Variants in NAALADL2 observed in about 807,000 individuals in gnomAD.
The protein encoded by NAALADL2 is N-acetylated alpha-linked acidic dipeptidase like 2.
In NAALADL2, 76 loss-of-function variants were observed where a neutral mutation model predicts 87.2. The ratio of observed to expected loss-of-function variants is 0.87; its 90% CI spans 0.72 to 1.05. The LOEUF is 1.05. NAALADL2 is among the 50% of genes least tolerant of loss of function. The pLI, the probability that NAALADL2 is intolerant of heterozygous loss-of-function variation, is 0.00. For missense variants in NAALADL2, 1,089 were observed against 945.8 expected (o/e 1.15, Z -1.99); for synonymous variants, 354 against 331.0 (o/e 1.07, Z -0.75).
At chr3:175,284,189 T>TTC (rs1358877446) in intron 4 of NAALADL2, among the ~76,000 whole-genome samples, 1 of 150,970 alleles carries the variant, frequency 6.6e-6, no homozygotes, top group Non-Finnish European at 1.5e-5. Flanking sequence ...ACACTGTGTT[T>TTC]TTTTTTTTTT....
chr3:175,600,699 G>A (rs1411778527), intron 10 of NAALADL2, among the ~76,000 whole-genome samples: 1 of 151,272 alleles, frequency 6.6e-6, no homozygotes, highest in Non-Finnish European at 1.5e-5. Flanking sequence ...TACCACGCCC[G>A]GCTAATTTTT....
chr3:174,607,280 A>G (rs1477365949), intron 2 of NAALADL2, among the ~76,000 whole-genome samples: 1 of 152,110 alleles, frequency 6.6e-6, no homozygotes, highest in Non-Finnish European at 1.5e-5. Flanking sequence ...TCAACCAGCT[A>G]ACATCATAAT....
chr3:174,674,372 A>C (rs1261311468), intron 2 of NAALADL2, among the ~76,000 whole-genome samples: 1 of 151,992 alleles, frequency 6.6e-6, no homozygotes, highest in Non-Finnish European at 1.5e-5. Context: ...CCATATCAGC[A>C]TGTCTAAAAG....
At chr3:175,105,442 T>G (rs1722927372) in intron 2 of NAALADL2, among the ~76,000 whole-genome samples, 1 of 151,720 alleles carries the variant, frequency 6.6e-6, no homozygotes, top group South Asian at 2.1e-4. Context: ...TATTGAAATT[T>G]TAATCATACA....
At chr3:175,643,394 A>G (rs1729559988) in intron 11 of NAALADL2, among the ~76,000 whole-genome samples, 1 of 152,216 alleles carries the variant, frequency 6.6e-6, no homozygotes, top group Non-Finnish European at 1.5e-5. Context: ...TAGGGAATGA[A>G]TATCTTTAAG....
At chr3:175,060,839 G>A (rs2109078584) in intron 1 of NAALADL2, among the ~76,000 whole-genome samples, 1 of 152,222 alleles carries the variant, frequency 6.6e-6, no homozygotes, top group African/African-American at 2.4e-5. Context: ...CCTGAGGTTG[G>A]GAGTTTGAGA....
At chr3:175,120,942 T>A (rs762426711) in intron 2 of NAALADL2, among the ~76,000 whole-genome samples, 1 of 151,872 alleles carries the variant, frequency 6.6e-6, no homozygotes, top group Admixed American at 6.6e-5. Flanking sequence ...ACGTCTTTCA[T>A]AAAGCTATAT....
intron 11 of NAALADL2, among the ~76,000 whole-genome samples, chr3:175,646,780 G>C (rs1045464318): frequency 6.6e-6 from 1 of 152,078 alleles, no homozygotes; most frequent in Non-Finnish European, 1.5e-5. Context: ...TTAATGAGGT[G>C]TGATATCTGA....
chr3:175,127,244 A>T (rs898925549), intron 2 of NAALADL2, among the ~76,000 whole-genome samples: 2 of 152,116 alleles, frequency 1.3e-5, no homozygotes, highest in Non-Finnish European at 2.9e-5. Context: ...GCTACCCCCC[A>T]AAGTGAAGCA....
intron 1 of NAALADL2, among the ~76,000 whole-genome samples, chr3:174,506,794 C>T (rs547376664): frequency 3.3e-5 from 5 of 152,010 alleles, no homozygotes; most frequent in Non-Finnish European, 1.5e-5. Context: ...TATTTATTGA[C>T]GTTGAATACA....
At chr3:174,574,669 C>G (rs1302658562) in intron 2 of NAALADL2, among the ~76,000 whole-genome samples, 1 of 152,110 alleles carries the variant, frequency 6.6e-6, no homozygotes, top group African/African-American at 2.4e-5. Context: ...ACATTTTCCT[C>G]ACTTCATTAA....
intron 1 of NAALADL2, among the ~76,000 whole-genome samples, chr3:174,542,244 A>G (rs1338457190): frequency 1.3e-5 from 2 of 152,130 alleles, no homozygotes; most frequent in Non-Finnish European, 2.9e-5. Flanking sequence ...CCAAGAAAGA[A>G]GTCCTACTAA....
chr3:175,777,584 A>G (rs1750421124), intron 13 of NAALADL2, among the ~76,000 whole-genome samples: 1 of 152,126 alleles, frequency 6.6e-6, no homozygotes, highest in Non-Finnish European at 1.5e-5. Flanking sequence ...GTGTTCTTCA[A>G]GAGCTTTGCC....
intron 1 of NAALADL2, among the ~76,000 whole-genome samples, chr3:174,882,737 ATGTGTATATACACACG>A (rs1251411853): frequency 6.9e-6 from 1 of 144,364 alleles, no homozygotes; most frequent in Admixed American, 6.9e-5. Context: ...ATGTGTATCT[ATGTGTATATACACACG>A]TGTATATATA....
chr3:175,207,267 G>A (rs1295034995), intron 2 of NAALADL2, among the ~76,000 whole-genome samples: 1 of 151,790 alleles, frequency 6.6e-6, no homozygotes, highest in African/African-American at 2.4e-5. Context: ...GAGACTAGAA[G>A]GTTTGGAATT....
chr3:175,452,662 T>A (rs192437121), intron 6 of NAALADL2, among the ~76,000 whole-genome samples: 2 of 152,294 alleles, frequency 1.3e-5, no homozygotes, highest in Non-Finnish European at 2.9e-5. Context: ...ATCAACTGTC[T>A]TCAAGCAGTC....
At chr3:175,643,468 C>A (rs1478630094) in intron 11 of NAALADL2, among the ~76,000 whole-genome samples, 1 of 152,140 alleles carries the variant, frequency 6.6e-6, no homozygotes, top group African/African-American at 2.4e-5. Flanking sequence ...ACTAGAATAG[C>A]CTGTTGATAA....
chr3:175,643,068 A>G (rs952838083), intron 11 of NAALADL2, among the ~76,000 whole-genome samples: 1 of 152,200 alleles, frequency 6.6e-6, no homozygotes, highest in African/African-American at 2.4e-5. Flanking sequence ...ACAACAGTGT[A>G]TTTGACTTAA....
At chr3:174,597,652 C>A (rs1004852977) in intron 2 of NAALADL2, among the ~76,000 whole-genome samples, 1 of 152,166 alleles carries the variant, frequency 6.6e-6, no homozygotes, top group Non-Finnish European at 1.5e-5. Flanking sequence ...TCTTACCCAT[C>A]CTTGGCTTCA....
Sources: allele counts gnomAD v4.1 joint callset (sites outside exome capture counted in the v4.1 genomes callset), GRCh38; gene constraint gnomAD v4.1.1; transcripts MANE v1.5; gene names NCBI Gene and HGNC (gene_info 2026-07-23, HGNC 2026-07-21).